Variants in MECR observed in about 807,000 individuals in gnomAD.
The protein encoded by MECR is mitochondrial trans-2-enoyl-CoA reductase.
A neutral mutation model predicts 49.1 loss-of-function variants in MECR; 37 were observed. That is an observed-to-expected ratio of 0.75 (90% CI 0.58 to 0.99). MECR has a LOEUF of 0.99. Among genes scored for constraint, MECR ranks in the 50% least tolerant of loss-of-function variants. MECR has a pLI of 0.00. For synonymous variants in MECR, 198 were observed against 191.1 expected, an observed-to-expected ratio of 1.04 and a Z score of -0.30; for missense variants, 470 against 479.6, an observed-to-expected ratio of 0.98 and a Z score of 0.19.
chr1:29,186,976 TCCTTTCCACTTA>T, the MECR span, among the ~76,000 whole-genome samples: 10 of 152,226 alleles, frequency 6.6e-5, no homozygotes, highest in African/African-American at 2.2e-4. Flanking sequence ...TGCCAATGTC[TCCTTTCCACTTA>T]CCTTTCAGCT....
At chr1:29,180,357 A>G in the MECR span, among the ~76,000 whole-genome samples, 1 of 152,208 alleles carries the variant, frequency 6.6e-6, no homozygotes. Context: ...GAAAAGGAGT[A>G]GTTTTTAAAG....
At chr1:29,168,326 C>T in the MECR span, among the ~76,000 whole-genome samples, 6 of 152,084 alleles carry the variant, frequency 3.9e-5, no homozygotes, top group East Asian at 1.9e-4. Flanking sequence ...CCACCATGCC[C>T]GGCCTTCTAC....
chr1:29,187,396 A>T, the MECR span, among the ~76,000 whole-genome samples: 1 of 150,390 alleles, frequency 6.6e-6, no homozygotes, highest in African/African-American at 2.4e-5. Context: ...TTGTATTTTT[A>T]GTAGAGACTG....
Position 29,221,212 on chromosome 1 carries a change from GA to G in MECR, c.177-4528del, listed in dbSNP as rs886305102. The G allele has an allele frequency of 2.3e-3, 331 of 144,630 alleles. 1 individual carries two copies. The highest frequency in any genetic ancestry group is 0.012 in the South Asian group (55 of 4,574). The allele number at this position is 144,630 out of a possible 1,614,324, so 9.0% of individuals were successfully genotyped here. A position where few individuals can be genotyped will look rare whatever the true frequency, so the allele number is the denominator to read the frequency against. Reference sequence around the variant, plus strand: ...GGCAACAGGAGACCCTGTCTCAGGGGAAAAAAAAAAAATCCCCTTCTCAGGG... The same window carrying G: ...GGCAACAGGAGACCCTGTCTCAGGGGAAAAAAAAAAATCCCCTTCTCAGGG... On this transcript the variant is annotated intron_variant, in intron 1 of 9. Coordinates refer to ENST00000263702, the MANE Select transcript of MECR (RefSeq NM_016011.5).
intron 4 of MECR, among the ~76,000 whole-genome samples, chr1:29,203,832 AAT>A (rs1337026632): frequency 1.3e-5 from 2 of 152,242 alleles, no homozygotes; most frequent in Non-Finnish European, 2.9e-5. Flanking sequence ...TGCAGTGTTT[AAT>A]AAAGGTGCAC....
intron 3 of MECR, among the ~76,000 whole-genome samples, chr1:29,214,984 G>A (rs1356698137): frequency 6.6e-6 from 1 of 151,986 alleles, no homozygotes; most frequent in Admixed American, 6.6e-5. Flanking sequence ...GCTTGGCTTG[G>A]GCAGGGCCTT....
chr1:29,230,894 T>C lies in MECR; in HGVS notation c.13A>G (p.Ser5Gly), dbSNP rs1005176880. MWVC[S>G]TLWRVRTPAR... is the part of the protein sequence containing the mutation. ...GGGGTTCGCACCCGCCACAGGGTAC[T>C]GCAGACCCACATGCTCGCTCCAACC... The change falls in exon 1 of 10, where the codon AGT becomes GGT. Residue 5 changes from serine (S) to glycine (G), a missense_variant. Coordinates refer to ENST00000263702, the MANE Select transcript of MECR (RefSeq NM_016011.5). 7 of 1,605,734 alleles carry C rather than the reference T, an allele frequency of 4.4e-6. No homozygotes were observed. Among genetic ancestry groups the C allele is most frequent in the East Asian group, 4.5e-5 (2 of 44,794 alleles).
chr1:29,181,180 G>C, the MECR span, among the ~76,000 whole-genome samples: 199 of 152,318 alleles, frequency 1.3e-3, no homozygotes, highest in Non-Finnish European at 2.1e-3. Flanking sequence ...TCCAGTCCTC[G>C]GGGAAGACGG....
chr1:29,185,841 A>G, the MECR span, among the ~76,000 whole-genome samples: 4 of 152,192 alleles, frequency 2.6e-5, no homozygotes, highest in East Asian at 7.7e-4. Flanking sequence ...AAAATTAGCC[A>G]GGCATGGCGG....
At chr1:29,168,029 T>TTAA in the MECR span, among the ~76,000 whole-genome samples, 39 of 141,196 alleles carry the variant, frequency 2.8e-4, no homozygotes, top group East Asian at 3.3e-3. Flanking sequence ...TTTTTTTTTT[T>TTAA]AAAAAAAACA....
the MECR span, among the ~76,000 whole-genome samples, chr1:29,177,526 C>T: frequency 6.6e-6 from 1 of 152,160 alleles, no homozygotes; most frequent in African/African-American, 2.4e-5. Context: ...GGGTGATCTG[C>T]CTGCCTTGGC....
chr1:29,206,847 G>A lies in MECR; in HGVS notation c.465C>T (p.Asp155=). ...GGGTGGCAGCGCTCTGAAGAGGGAT[G>A]TCACTCGGAACTTGGATCAGTGCTT... ...SEEALIQVPS[D]IPLQSAATLG... is the part of the protein sequence containing the mutation. Residue 155 remains aspartate (D), a synonymous_variant, in exon 4 of 10, where the codon GAC becomes GAT. Transcript: ENST00000263702. 6.2e-7 allele frequency: 1 copy of A among 1,614,232 alleles called. No individual in the cohort carries two copies. The highest frequency in any genetic ancestry group is 8.5e-7 in the Non-Finnish European group (1 of 1,180,040).
chr1:29,176,198 G>T, the MECR span, among the ~76,000 whole-genome samples: 3 of 152,256 alleles, frequency 2.0e-5, no homozygotes, highest in Non-Finnish European at 4.4e-5. Flanking sequence ...GTTGCAGTGA[G>T]CTGAGATTGT....
intron 1 of MECR, chr1:29,230,511 T>C (rs1216817588): frequency 1.1e-5 from 6 of 551,234 alleles, no homozygotes; most frequent in East Asian, 9.7e-5. Flanking sequence ...ATTCGATCAA[T>C]AAACATCAGC....
At chr1:29,227,864 C>G (rs893476693) in intron 1 of MECR, among the ~76,000 whole-genome samples, 1 of 152,160 alleles carries the variant, frequency 6.6e-6, no homozygotes, top group Non-Finnish European at 1.5e-5. Flanking sequence ...AGTAAAGCCG[C>G]CTGAATCTGG....
chr1:29,221,054 G>T, intron 1 of MECR: 1 of 287,470 alleles, frequency 3.5e-6, no homozygotes, highest in Non-Finnish European at 5.2e-6. Flanking sequence ...GATGAATAAA[G>T]GTGGGCATGG....
intron 8 of MECR, 63 bp downstream of exon 8, chr1:29,196,135 G>T: frequency 1.9e-6 from 3 of 1,599,208 alleles, no homozygotes; most frequent in Admixed American, 1.7e-5. Context: ...CGTGCCAGGG[G>T]ATGTGGCCTG....
chr1:29,221,179 C>CT (rs1038370293), intron 1 of MECR: 2 of 151,948 alleles, frequency 1.3e-5, no homozygotes, highest in Non-Finnish European at 2.9e-5. Flanking sequence ...CCACTGCACT[C>CT]TAGCCTGGGC....
rs767036624 is a variant in MECR at position 29,196,126 on chromosome 1, G to A, written c.891+72C>T. 3.1e-5 allele frequency: 50 copies of A among 1,597,970 alleles called. No individual in the cohort carries two copies. The African/African-American group carries it at 5.2e-4, about 17-fold the overall frequency. On this transcript the variant is annotated intron_variant, in intron 8 of 9. Coordinates refer to ENST00000263702, the MANE Select transcript of MECR (RefSeq NM_016011.5). ...CATTGCCTAAGCTTAGACAGCTGTC[G>A]TGCCAGGGGATGTGGCCTGGCTGAG...
Sources: gnomAD v4.1 joint callset for allele counts (sites outside exome capture counted in the v4.1 genomes callset) on GRCh38, gnomAD v4.1.1 for gene constraint, MANE v1.5 for transcripts, NCBI Gene and HGNC (gene_info 2026-07-23, HGNC 2026-07-21) for gene names.